COL4A4: variants seen among roughly 807,000 people sequenced by gnomAD.
COL4A4 encodes collagen type IV alpha 4 chain, also known as collagen alpha-4(IV) chain.
In COL4A4, 105 loss-of-function variants were observed where a neutral mutation model predicts 192.9. That is an observed-to-expected ratio of 0.54 (90% CI 0.46 to 0.64). COL4A4 has a LOEUF of 0.64. Among genes scored for constraint, COL4A4 ranks in the 30% least tolerant of loss-of-function variants. The probability of loss-of-function intolerance (pLI) is 0.00; values close to 1 mark genes in which losing one functional copy is unlikely to be tolerated. For missense variants in COL4A4, 1,967 were observed against 2,169.3 expected, an observed-to-expected ratio of 0.91 and a Z score of 1.85; for synonymous variants, 762 against 769.9, an observed-to-expected ratio of 0.99 and a Z score of 0.17.
chr2:226,980,442 G>T, the COL4A4 span, among the ~76,000 whole-genome samples: 1 of 152,150 alleles, frequency 6.6e-6, no homozygotes, highest in African/African-American at 2.4e-5. Context: ...GTGTGGTTCT[G>T]TGCCTCTTAG....
the COL4A4 span, among the ~76,000 whole-genome samples, chr2:226,990,502 G>C: frequency 1.3e-5 from 2 of 152,208 alleles, no homozygotes; most frequent in African/African-American, 4.8e-5. Flanking sequence ...GCGTTCATCA[G>C]ATCATGGGCA....
At chr2:227,009,270 C>T (rs145507841) in intron 46 of COL4A4, among the ~76,000 whole-genome samples, 6 of 152,282 alleles carry the variant, frequency 3.9e-5, no homozygotes, top group African/African-American at 1.4e-4. Flanking sequence ...AGCACCTCAC[C>T]GTCAACTGTC....
chr2:227,007,535 G>C lies in COL4A4; in HGVS notation c.4863C>G (p.Ser1621Arg). 1 of 1,613,508 alleles carries C rather than the reference G, an allele frequency of 6.2e-7. No individual in the cohort carries two copies. The highest frequency in any genetic ancestry group is 8.5e-7 in the Non-Finnish European group (1 of 1,180,038). The change falls in exon 48 of 48, where the codon AGC (serine) becomes AGG (arginine). Residue 1621 changes from serine (S) to arginine (R), a missense_variant. By Grantham distance (110) the Ser-to-Arg change is moderately radical. Transcript: ENST00000396625. ...GGGQALMSPG[S>R]CLEDFRAAPF... ...GTGCTGCTCTGAAATCTTCCAGGCA[G>C]CTGCCAGGTGACATAAGGGCCTGCC...
intron 31 of COL4A4, among the ~76,000 whole-genome samples, chr2:227,054,343 T>A (rs1020607721): frequency 3.3e-5 from 5 of 152,180 alleles, no homozygotes; most frequent in Non-Finnish European, 5.9e-5. Context: ...AAGCTATAAA[T>A]CAGTGCATTA....
intron 22 of COL4A4, among the ~76,000 whole-genome samples, chr2:227,082,935 T>C (rs1224952384): frequency 6.6e-6 from 1 of 152,140 alleles, no homozygotes; most frequent in Non-Finnish European, 1.5e-5. Context: ...CATGTCAAAA[T>C]TATGGGAACC....
At chr2:227,041,848 G>GAAAGAGAGAGAA (rs1243663359) in intron 37 of COL4A4, among the ~76,000 whole-genome samples, 3 of 38,736 alleles carry the variant, frequency 7.7e-5, no homozygotes, top group South Asian at 9.4e-4. Flanking sequence ...AAGAAAGAAA[G>GAAAGAGAGAGAA]AGAAAGAAAG....
intron 25 of COL4A4, among the ~76,000 whole-genome samples, chr2:227,066,383 T>G (rs2058340655): frequency 6.6e-6 from 1 of 151,452 alleles, no homozygotes; most frequent in Admixed American, 6.6e-5. Context: ...AAGATACTCC[T>G]CGAGAAGAGC....
At chr2:227,158,263 G>A (rs1423422828) in intron 1 of COL4A4, among the ~76,000 whole-genome samples, 1 of 152,024 alleles carries the variant, frequency 6.6e-6, no homozygotes, top group Non-Finnish European at 1.5e-5. Flanking sequence ...TCAACAACTG[G>A]TGCCACAACA....
intron 44 of COL4A4, among the ~76,000 whole-genome samples, chr2:227,014,220 G>A (rs13415319): frequency 6.6e-6 from 1 of 152,004 alleles, no homozygotes; most frequent in South Asian, 2.1e-4. Flanking sequence ...CGGTCCTACT[G>A]CTCCTGAGAA....
intron 26 of COL4A4, 143 bp from the exon 27 acceptor site, chr2:227,060,386 T>G: frequency 1.6e-6 from 1 of 608,462 alleles, no homozygotes; most frequent in South Asian, 2.2e-5. Flanking sequence ...TATCCCGATT[T>G]ACAAAAATAT....
Position 227,028,012 on chromosome 2 carries a change from T to TA in COL4A4, c.3974-4dup, listed in dbSNP as rs200823182. 15,065 of 1,382,530 alleles carry TA rather than the reference T, an allele frequency of 0.011. 3 individuals are homozygous for TA. The highest frequency in any genetic ancestry group is 0.012 in the South Asian group (928 of 74,652). 85.6% of individuals were successfully genotyped at this position (1,382,530 alleles called of 1,614,324 possible). ...CGGTCCCGGGAATCCCACTGGTCCT[T>TA]AAAAAAAAACAAAACATAAAAATGA... On this transcript the variant is annotated splice_polypyrimidine_tract_variant and splice_region_variant and intron_variant, in intron 41 of 47. Coordinates refer to ENST00000396625, the MANE Select transcript of COL4A4 (RefSeq NM_000092.5).
the COL4A4 span, chr2:226,995,931 G>C: frequency 5.9e-6 from 1 of 170,482 alleles, no homozygotes; most frequent in Non-Finnish European, 1.2e-5. Context: ...AGCGGGTGTG[G>C]AGCCATCCCC....
intron 25 of COL4A4, among the ~76,000 whole-genome samples, chr2:227,068,948 G>C (rs1482861922): frequency 6.7e-6 from 1 of 150,250 alleles, no homozygotes; most frequent in Non-Finnish European, 1.5e-5. Flanking sequence ...CAGACGACAT[G>C]ATTGTATATC....
chr2:227,015,898 T>C (rs1964757106), intron 44 of COL4A4, among the ~76,000 whole-genome samples: 1 of 152,190 alleles, frequency 6.6e-6, no homozygotes, highest in African/African-American at 2.4e-5. Flanking sequence ...CAATTGTGTC[T>C]TTTAAAAGTG....
At chr2:227,086,727 C>T (rs1422399122) in intron 22 of COL4A4, among the ~76,000 whole-genome samples, 1 of 152,174 alleles carries the variant, frequency 6.6e-6, no homozygotes, top group Non-Finnish European at 1.5e-5. Flanking sequence ...TAAGTAGCAA[C>T]TCAACAGGAA....
chr2:227,090,842 C>CAAAAAAAAAAAAAA, intron 20 of COL4A4, among the ~76,000 whole-genome samples: 1 of 144,080 alleles, frequency 6.9e-6, no homozygotes. Context: ...GAGGAACCAG[C>CAAAAAAAAAAAAAA]AACAACCAAG....
chr2:227,008,109 GC>G lies in COL4A4; in HGVS notation c.4717del (p.Ala1573ProfsTer30), dbSNP rs2149720724. Reference protein sequence around the residue: ...VSRCAVCEAPAQAVAVHSQDQ... With the variant: ...VSRCAVCEAPXQAVAVHSQDQ... ...CTGGCTGTGCACCGCCACCGCCTGG[GC>G]CGGGGCCTCGCATACCGCACAGCGG... On this transcript the variant is annotated frameshift_variant, in exon 47 of 48. Coordinates refer to ENST00000396625, the MANE Select transcript of COL4A4 (RefSeq NM_000092.5). LOFTEE classifies it high-confidence loss of function. The G allele has an allele frequency of 6.2e-7, 1 of 1,614,090 alleles. No homozygotes were observed. The highest frequency in any genetic ancestry group is 1.1e-5 in the South Asian group (1 of 91,074).
At chr2:227,000,997 C>T (rs1271635086), downstream of COL4A4, among the ~76,000 whole-genome samples, 1 of 152,144 alleles carries the variant, frequency 6.6e-6, no homozygotes, top group Non-Finnish European at 1.5e-5. Context: ...CAATAAACCT[C>T]TTTCTTTTGT....
downstream of COL4A4, among the ~76,000 whole-genome samples, chr2:227,002,475 C>T (rs1006701844): frequency 1.3e-5 from 2 of 152,216 alleles, no homozygotes; most frequent in African/African-American, 2.4e-5. Flanking sequence ...AAGCAGCTCC[C>T]GTGGGGTTGA....
Sources: gnomAD v4.1 joint callset for allele counts (sites outside exome capture counted in the v4.1 genomes callset) on GRCh38, gnomAD v4.1.1 for gene constraint, MANE v1.5 for transcripts, NCBI Gene and HGNC (gene_info 2026-07-23, HGNC 2026-07-21) for gene names.